The following PDE1C variants were observed in gnomAD, a reference collection of about 807,000 sequenced individuals.
PDE1C encodes dual specificity calcium/calmodulin-dependent 3',5'-cyclic nucleotide phosphodiesterase 1C.
Under a neutral mutation model 93.1 loss-of-function variants are expected in PDE1C, and 62 were observed. That is an observed-to-expected ratio of 0.67 (90% CI 0.54 to 0.82). The LOEUF (loss-of-function observed/expected upper bound fraction) is 0.82. PDE1C is among the 40% of genes least tolerant of loss of function. PDE1C has a pLI of 0.00. For missense variants in PDE1C, 742 were observed against 884.6 expected, an observed-to-expected ratio of 0.84 and a Z score of 2.04; for synonymous variants, 325 against 310.1, an observed-to-expected ratio of 1.05 and a Z score of -0.50.
intron 1 of PDE1C, among the ~76,000 whole-genome samples, chr7:32,326,268 C>G (rs1051126729): frequency 1.3e-5 from 2 of 152,176 alleles, no homozygotes; most frequent in African/African-American, 4.8e-5. Context: ...ATATGCAAGT[C>G]TGGTATGCAG....
chr7:31,718,663 A>G, the PDE1C span, among the ~76,000 whole-genome samples: 1 of 152,200 alleles, frequency 6.6e-6, no homozygotes, highest in South Asian at 2.1e-4. Context: ...TGTTGCAGGC[A>G]AACACTGTGA....
the PDE1C span, among the ~76,000 whole-genome samples, chr7:31,651,653 T>C: frequency 3.3e-5 from 5 of 152,020 alleles, no homozygotes; most frequent in African/African-American, 7.3e-5. Flanking sequence ...CTTGGGGAAA[T>C]AGAAGTGTTT....
chr7:31,947,963 G>T (rs146702578), intron 2 of PDE1C, among the ~76,000 whole-genome samples: 88 of 152,282 alleles, frequency 5.8e-4, no homozygotes, highest in African/African-American at 2.0e-3. Context: ...AAATCTGACA[G>T]ATGGCAAGAG....
chr7:31,863,406 C>T (rs960298962), intron 7 of PDE1C, among the ~76,000 whole-genome samples: 1 of 152,118 alleles, frequency 6.6e-6, no homozygotes, highest in Non-Finnish European at 1.5e-5. Flanking sequence ...ATATTGCATA[C>T]TGCATTCTTG....
At chr7:32,223,828 T>C (rs1177767536) in intron 1 of PDE1C, among the ~76,000 whole-genome samples, 2 of 152,218 alleles carry the variant, frequency 1.3e-5, no homozygotes, top group African/African-American at 4.8e-5. Flanking sequence ...ATCCTCCGTC[T>C]TGTCCTATCC....
At chr7:31,796,238 TATATC>T (rs1360386618) in intron 16 of PDE1C, among the ~76,000 whole-genome samples, 2 of 150,984 alleles carry the variant, frequency 1.3e-5, no homozygotes, top group African/African-American at 4.9e-5. Flanking sequence ...ATATGCATCA[TATATC>T]AGATATATCA....
At chr7:31,799,464 A>G (rs1785717643) in intron 16 of PDE1C, among the ~76,000 whole-genome samples, 1 of 151,812 alleles carries the variant, frequency 6.6e-6, no homozygotes, top group South Asian at 2.1e-4. Context: ...CAATTCAAAT[A>G]GAACAAAAGA....
intron 1 of PDE1C, among the ~76,000 whole-genome samples, chr7:32,220,704 G>A (rs1806789765): frequency 6.6e-6 from 1 of 152,168 alleles, no homozygotes; most frequent in Non-Finnish European, 1.5e-5. Flanking sequence ...TGTAGTCCCA[G>A]CTACTCGGGA....
chr7:31,937,438 G>C (rs975293477), intron 2 of PDE1C, among the ~76,000 whole-genome samples: 1 of 152,176 alleles, frequency 6.6e-6, no homozygotes, highest in African/African-American at 2.4e-5. Flanking sequence ...CTGTTTTCAT[G>C]TTAATGCTGA....
chr7:31,648,686 G>A, the PDE1C span, among the ~76,000 whole-genome samples: 2 of 152,154 alleles, frequency 1.3e-5, no homozygotes, highest in Admixed American at 6.5e-5. Context: ...TGATCCTGGC[G>A]TCACTGTCCC....
intron 1 of PDE1C, among the ~76,000 whole-genome samples, chr7:32,061,778 G>A (rs535423695): frequency 7.9e-5 from 12 of 152,344 alleles, no homozygotes; most frequent in Non-Finnish European, 1.5e-4. Flanking sequence ...GTAAAGTTAT[G>A]ATTATTAGCT....
chr7:31,808,163 A>C (rs1478663265), intron 16 of PDE1C: 2 of 475,820 alleles, frequency 4.2e-6, no homozygotes, highest in Non-Finnish European at 8.2e-6. Context: ...CTGGTTACCC[A>C]GCATTTGTTC....
At chr7:31,938,250 A>C (rs1346378563) in intron 2 of PDE1C, among the ~76,000 whole-genome samples, 1 of 151,940 alleles carries the variant, frequency 6.6e-6, no homozygotes, top group African/African-American at 2.4e-5. Flanking sequence ...TTAATCTAGT[A>C]GCCTAGGAAA....
At chr7:32,365,166 T>C (rs1448786205) in intron 1 of PDE1C, among the ~76,000 whole-genome samples, 2 of 152,198 alleles carry the variant, frequency 1.3e-5, no homozygotes, top group African/African-American at 2.4e-5. Context: ...AACAGCTCCA[T>C]GGGCTGCCCT....
chr7:31,852,780 T>C (rs924421858), intron 7 of PDE1C, among the ~76,000 whole-genome samples: 4 of 152,150 alleles, frequency 2.6e-5, no homozygotes, highest in Non-Finnish European at 5.9e-5. Context: ...TATTCAATTT[T>C]GCATAAAATT....
chr7:31,936,570 A>G (rs1288847131), intron 2 of PDE1C, among the ~76,000 whole-genome samples: 1 of 152,186 alleles, frequency 6.6e-6, no homozygotes, highest in Non-Finnish European at 1.5e-5. Context: ...ACTAAACCTT[A>G]TGAACATGAT....
chr7:32,215,479 G>A (rs186898232), intron 1 of PDE1C, among the ~76,000 whole-genome samples: 222 of 152,308 alleles, frequency 1.5e-3, no homozygotes, highest in African/African-American at 5.0e-3. Context: ...TTCCCCTGGT[G>A]TGTTTGCTGT....
intron 3 of PDE1C, among the ~76,000 whole-genome samples, chr7:32,095,661 G>T (rs1797713641): frequency 1.3e-5 from 2 of 152,268 alleles, no homozygotes; most frequent in South Asian, 4.1e-4. Flanking sequence ...CAAATATGCT[G>T]CTTCTAGCAT....
At chr7:31,807,981 C>T (rs552905528) in intron 16 of PDE1C, among the ~76,000 whole-genome samples, 43 of 151,430 alleles carry the variant, frequency 2.8e-4, no homozygotes, top group African/African-American at 9.2e-4. Context: ...TGTAATAAGA[C>T]ACCTGGAGTT....
Sources: gnomAD v4.1 joint callset for allele counts (sites outside exome capture counted in the v4.1 genomes callset) on GRCh38, gnomAD v4.1.1 for gene constraint, MANE v1.5 for transcripts, NCBI Gene and HGNC (gene_info 2026-07-23, HGNC 2026-07-21) for gene names.